Variants in SLC39A11 observed in about 807,000 individuals in gnomAD.
The protein encoded by SLC39A11 is zinc transporter ZIP11.
SLC39A11 carries 33 observed loss-of-function variants against 36.1 expected under a neutral mutation model. The observed-to-expected ratio is 0.91, with a 90% confidence interval of 0.69 to 1.22. SLC39A11 has a LOEUF of 1.22. Ranked by LOEUF, SLC39A11 falls within the 50% of genes most tolerant of loss-of-function variation. The pLI, the probability that SLC39A11 is intolerant of heterozygous loss-of-function variation, is 0.00. For synonymous variants in SLC39A11, 166 were observed against 170.3 expected, an observed-to-expected ratio of 0.97 and a Z score of 0.20; for missense variants, 432 against 430.3, an observed-to-expected ratio of 1.00 and a Z score of -0.03.
At chr17:72,809,199 T>C (rs1032222177) in intron 6 of SLC39A11, among the ~76,000 whole-genome samples, 3 of 102,200 alleles carry the variant, frequency 2.9e-5, no homozygotes, top group African/African-American at 2.7e-5. Context: ...TTTCTTTTCT[T>C]TCTCTCTCTC....
At position 72,820,541 on chromosome 17, in the gene SLC39A11, T is replaced by C. The variant is rs577754880; in HGVS notation, c.601+29093A>G. 6.0e-5 allele frequency among the ~76,000 whole-genome samples: 9 copies of C among 151,104 alleles called. No homozygotes were observed. The East Asian group carries it at 1.7e-3, about 29-fold the overall frequency. On this transcript the variant is annotated intron_variant, in intron 6 of 9. Transcript: ENST00000255559. ...CACCGCGGATCTATTACATGGCACA[T>C]CCTACACTGGGATTGCAGAGCTCAG...
intron 3 of SLC39A11, among the ~76,000 whole-genome samples, chr17:73,069,225 C>T (rs1462900480): frequency 6.6e-6 from 1 of 152,226 alleles, no homozygotes; most frequent in African/African-American, 2.4e-5. Context: ...TAGAAGTAAC[C>T]TCCCTGTCAC....
chr17:73,056,296 G>T (rs1399154551), intron 3 of SLC39A11, among the ~76,000 whole-genome samples: 1 of 152,086 alleles, frequency 6.6e-6, no homozygotes, highest in Non-Finnish European at 1.5e-5. Flanking sequence ...AGCCTCCCGA[G>T]TAGCTGGGAC....
At chr17:73,079,724 A>G (rs2060452667) in intron 3 of SLC39A11, among the ~76,000 whole-genome samples, 1 of 152,226 alleles carries the variant, frequency 6.6e-6, no homozygotes, top group African/African-American at 2.4e-5. Context: ...TGCCGACGAT[A>G]TGATCGTATA....
intron 6 of SLC39A11, among the ~76,000 whole-genome samples, chr17:72,758,384 A>G (rs140584972): frequency 6.6e-6 from 1 of 152,310 alleles, no homozygotes; most frequent in Non-Finnish European, 1.5e-5. Flanking sequence ...CCCCTATTCA[A>G]TCAACATTCC....
rs189156355 is a variant in SLC39A11, at chr17:72,873,635, A to C, written c.431-23831T>G. Among the ~76,000 whole-genome samples, 598 of 152,264 alleles carry C rather than the reference A, an allele frequency of 3.9e-3. 3 individuals are homozygous for C. Among genetic ancestry groups the C allele is most frequent in the Middle Eastern group, 0.014 (4 of 294 alleles). ...GGGAGGCAAAGGAGAATATGTGAAC[A>C]CGTGCCCTCAATTTCCCACCCCCTG... On this transcript the variant is annotated intron_variant, in intron 5 of 9. Transcript: ENST00000255559.
At chr17:72,754,018 A>ATG (rs200408611) in intron 6 of SLC39A11, among the ~76,000 whole-genome samples, 2,111 of 55,244 alleles carry the variant, frequency 0.038, 59 homozygotes, top group African/African-American at 0.12. Flanking sequence ...ATATGTATAT[A>ATG]TGTATATATA....
At chr17:72,698,783 G>A (rs530526579) in intron 7 of SLC39A11, among the ~76,000 whole-genome samples, 4 of 152,230 alleles carry the variant, frequency 2.6e-5, no homozygotes, top group African/African-American at 9.6e-5. Flanking sequence ...ATACCTGGAG[G>A]GGCTTTCACA....
chr17:72,908,159 C>T (rs550481612), intron 5 of SLC39A11, among the ~76,000 whole-genome samples: 10 of 152,350 alleles, frequency 6.6e-5, no homozygotes, highest in African/African-American at 2.2e-4. Context: ...GCCGTCCTCA[C>T]TGAAACCCAA....
At position 73,068,431 on chromosome 17, in the gene SLC39A11, T is replaced by C. The variant is rs560075299; in HGVS notation, c.147+16377A>G. On this transcript the variant is annotated intron_variant, in intron 3 of 9. Transcript: ENST00000255559. ...AAACATCACCACCAGTACAACTAGC[T>C]GTAGGTGTCTGGTTGCCATGGAGAC... 861 of 403,532 alleles carry C rather than the reference T, an allele frequency of 2.1e-3. 2 individuals are homozygous for C. The highest frequency in any genetic ancestry group is 0.012 in the Middle Eastern group (18 of 1,524). 25.0% of individuals were successfully genotyped at this position (403,532 alleles called of 1,614,324 possible). A position where few individuals can be genotyped will look rare whatever the true frequency, so the allele number is the denominator to read the frequency against.
At chr17:72,657,435 G>C (rs1370344096) in intron 7 of SLC39A11, among the ~76,000 whole-genome samples, 2 of 152,186 alleles carry the variant, frequency 1.3e-5, no homozygotes, top group East Asian at 1.9e-4. Flanking sequence ...AGATGGAAGA[G>C]AGAATGGCAA....
intron 7 of SLC39A11, among the ~76,000 whole-genome samples, chr17:72,701,597 G>GCA (rs2072624725): frequency 6.6e-6 from 1 of 151,794 alleles, no homozygotes; most frequent in African/African-American, 2.4e-5. Context: ...GTGTGGTGGT[G>GCA]CATGCCTGTA....
At chr17:72,968,537 TG>T (rs889110559) in intron 4 of SLC39A11, among the ~76,000 whole-genome samples, 6 of 152,114 alleles carry the variant, frequency 3.9e-5, no homozygotes, top group Non-Finnish European at 5.9e-5. Context: ...CTGCCCAAGG[TG>T]GGAACTAGCC....
Position 72,905,669 on chromosome 17 carries a change from G to A in SLC39A11, c.430+42083C>T, listed in dbSNP as rs114868473. 6.9e-3 allele frequency among the ~76,000 whole-genome samples: 1,047 copies of A among 152,008 alleles called. 13 individuals are homozygous for A. Among genetic ancestry groups the A allele is most frequent in the African/African-American group, 0.024 (1,011 of 41,484 alleles). ...TGCAGTGGCGCAATCTCAGCTCACG[G>A]CAGCCTTAACCTCGTGGGCTCTACC... is the stretch of plus-strand genomic sequence containing the variant. On this transcript the variant is annotated intron_variant, in intron 5 of 9. Coordinates refer to ENST00000255559, the MANE Select transcript of SLC39A11 (RefSeq NM_139177.4).
chr17:72,894,280 T>C (rs1169742478), intron 5 of SLC39A11, among the ~76,000 whole-genome samples: 1 of 138,194 alleles, frequency 7.2e-6, no homozygotes, highest in Non-Finnish European at 1.5e-5. Flanking sequence ...GAGAATCACT[T>C]GAGCCCAGGA....
At chr17:72,883,404 C>T (rs78179777) in intron 5 of SLC39A11, among the ~76,000 whole-genome samples, 4,080 of 151,952 alleles carry the variant, frequency 0.027, 174 homozygotes, top group African/African-American at 0.09. Context: ...CCCAGTGCAG[C>T]GCCATCTTTA....
At chr17:73,014,799 G>A (rs2090718474) in intron 4 of SLC39A11, among the ~76,000 whole-genome samples, 1 of 152,170 alleles carries the variant, frequency 6.6e-6, no homozygotes, top group African/African-American at 2.4e-5. Context: ...TCTTGCCTCT[G>A]GACTGGACAT....
Position 72,736,720 on chromosome 17 carries a change from C to T in SLC39A11, c.602-1G>A. The T allele has an allele frequency of 6.2e-7, 1 of 1,613,606 alleles. No individual in the cohort carries two copies. Among genetic ancestry groups the T allele is most frequent in the Non-Finnish European group, 8.5e-7 (1 of 1,179,586 alleles). ...AATCCAACTCCAACAGCGAGACCCT[C>T]TGAAATAGATGTAAGAAAAGCAAGA... On this transcript the variant is annotated splice_acceptor_variant, in intron 6 of 9. Coordinates refer to ENST00000255559, the MANE Select transcript of SLC39A11 (RefSeq NM_139177.4). LOFTEE classifies it high-confidence loss of function.
chr17:72,932,977 TA>T (rs1461910143), intron 5 of SLC39A11, among the ~76,000 whole-genome samples: 1 of 152,204 alleles, frequency 6.6e-6, no homozygotes, highest in African/African-American at 2.4e-5. Context: ...AACCTACAGG[TA>T]ACATCACACT....
Sources: gnomAD v4.1 joint callset for allele counts (sites outside exome capture counted in the v4.1 genomes callset) on GRCh38, gnomAD v4.1.1 for gene constraint, MANE v1.5 for transcripts, NCBI Gene and HGNC (gene_info 2026-07-23, HGNC 2026-07-21) for gene names.